Variants in BANP observed in about 807,000 individuals in gnomAD.
The protein encoded by BANP is BTG3 associated nuclear protein, also known as protein BANP.
In BANP, 11 loss-of-function variants were observed where a neutral mutation model predicts 68.1. The ratio of observed to expected loss-of-function variants is 0.16; its 90% CI spans 0.10 to 0.27. The LOEUF (loss-of-function observed/expected upper bound fraction) is 0.27. Ranked by LOEUF, BANP falls within the 10% of genes least tolerant of loss-of-function variation. The pLI is 1.00. For synonymous variants in BANP, 329 were observed against 303.2 expected (o/e 1.09, Z -0.88); for missense variants, 504 against 722.7 (o/e 0.70, Z 3.47).
chr16:88,029,332 G>C (rs776345236), intron 8 of BANP, among the ~76,000 whole-genome samples: 7 of 147,926 alleles, frequency 4.7e-5, no homozygotes, highest in Non-Finnish European at 7.4e-5. Context: ...AAAAAAAGCC[G>C]GGTGCTGTGG....
At chr16:88,032,977 C>G (rs547127381) in intron 8 of BANP, 132 bp from the exon 9 acceptor site, 1 of 1,067,046 alleles carries the variant, frequency 9.4e-7, no homozygotes, top group Non-Finnish European at 1.3e-6. Context: ...TGCAGTGAGT[C>G]GAGGAAAAAT....
At chr16:87,980,773 C>CAG (rs2063108029) in intron 2 of BANP, 3 of 444,540 alleles carry the variant, frequency 6.7e-6, no homozygotes, top group African/African-American at 2.0e-5. Flanking sequence ...AGCATGGAGT[C>CAG]AGAAGTCAGA....
rs1458111797 is a variant in BANP, at chr16:88,004,704, A to G, written c.479+293A>G. 6.6e-6 allele frequency among the ~76,000 whole-genome samples: 1 copy of G among 152,172 alleles called. No homozygotes were observed. The highest frequency in any genetic ancestry group is 1.5e-5 in the Non-Finnish European group (1 of 68,032). Reference sequence around the variant, plus strand: ...CTGTCTCCTCACAGCAGTCTGTGAAAGCGTTCATCCTCCCACCTAGCTCAG... The same window carrying G: ...CTGTCTCCTCACAGCAGTCTGTGAAGGCGTTCATCCTCCCACCTAGCTCAG... On this transcript the variant is annotated intron_variant, in intron 5 of 13. Transcript: ENST00000682872. This position sits in a 1 kb window ranked among gnomAD's most constrained non-coding sequence, Gnocchi z 7.0.
intron 4 of BANP, among the ~76,000 whole-genome samples, chr16:87,993,377 C>T (rs560554512): frequency 6.6e-6 from 1 of 151,942 alleles, no homozygotes; most frequent in East Asian, 1.9e-4. Flanking sequence ...GGAGCCTTGT[C>T]TCTTCTTTCC....
intron 1 of BANP, among the ~76,000 whole-genome samples, chr16:87,965,896 G>A (rs1333674345): frequency 6.6e-6 from 1 of 152,170 alleles, no homozygotes; most frequent in African/African-American, 2.4e-5. Flanking sequence ...GTCCAGGAGG[G>A]CGGAGTGGAC....
intron 7 of BANP, among the ~76,000 whole-genome samples, chr16:88,020,470 A>T (rs1176344646): frequency 1.3e-5 from 2 of 152,174 alleles, no homozygotes; most frequent in East Asian, 3.9e-4. Context: ...GTGCGTTGAG[A>T]TATATAGACG....
chr16:88,020,293 A>G (rs149931107), intron 7 of BANP, among the ~76,000 whole-genome samples: 195 of 152,340 alleles, frequency 1.3e-3, no homozygotes, highest in African/African-American at 4.4e-3. Flanking sequence ...CCAACAGGAC[A>G]CTGCCTTCAG....
chr16:87,993,136 C>G (rs1251161582), intron 4 of BANP, among the ~76,000 whole-genome samples: 1 of 152,264 alleles, frequency 6.6e-6, no homozygotes, highest in Non-Finnish European at 1.5e-5. Context: ...AAGTCCTTCT[C>G]ATCGCATTCT....
intron 6 of BANP, among the ~76,000 whole-genome samples, chr16:88,012,249 G>C (rs2073349056): frequency 6.6e-6 from 1 of 152,170 alleles, no homozygotes; most frequent in African/African-American, 2.4e-5. Context: ...TTCTGTGTGG[G>C]TTTGCTCTGT....
intron 3 of BANP, among the ~76,000 whole-genome samples, chr16:87,983,416 TTG>T (rs1478181696): frequency 2.0e-5 from 3 of 152,200 alleles, no homozygotes; most frequent in Non-Finnish European, 4.4e-5. Flanking sequence ...CCTTTCTGGT[TTG>T]TGTGTTTCTC....
At chr16:88,019,465 A>C (rs1359682532) in intron 7 of BANP, among the ~76,000 whole-genome samples, 3 of 151,068 alleles carry the variant, frequency 2.0e-5, no homozygotes, top group African/African-American at 7.3e-5. Flanking sequence ...ACCTCAGGGG[A>C]GCGTGAAATG....
In BANP at chr16:88,071,571, C is replaced by G. The variant is rs961917540; in HGVS notation, c.1378-498C>G. The G allele has an allele frequency of 6.6e-6, 3 of 457,246 alleles. No individual in the cohort carries two copies. Among genetic ancestry groups the G allele is most frequent in the African/African-American group, 6.0e-5 (3 of 50,134 alleles). 28.3% of individuals were successfully genotyped at this position (457,246 alleles called of 1,614,324 possible). On this transcript the variant is annotated intron_variant, in intron 12 of 13. Coordinates refer to ENST00000682872, the MANE Select transcript of BANP (RefSeq NM_001386991.1). This position sits in a 1 kb window ranked among gnomAD's most constrained non-coding sequence, Gnocchi z 6.5. ...GCTTCTGCTGGGTTCTCAGTGCCCACCAGCAGCTCCTTTGCTCTCCCTGAG... is the reference window on the plus strand; with the variant it reads ...GCTTCTGCTGGGTTCTCAGTGCCCAGCAGCAGCTCCTTTGCTCTCCCTGAG...
At chr16:88,059,955 G>A (rs1183843994) in intron 11 of BANP, among the ~76,000 whole-genome samples, 6 of 152,264 alleles carry the variant, frequency 3.9e-5, no homozygotes, top group African/African-American at 7.2e-5. Context: ...CACACCCCAG[G>A]AGGGCTGAGG....
intron 1 of BANP, among the ~76,000 whole-genome samples, chr16:87,961,533 T>A (rs564855394): frequency 6.6e-6 from 1 of 152,270 alleles, no homozygotes; most frequent in Admixed American, 6.5e-5. Context: ...TGGAAGCAGA[T>A]AGGAAACTCT....
Position 88,058,613 on chromosome 16 carries a change from G to A in BANP, c.1312-6654G>A, listed in dbSNP as rs116348988. 3.9e-3 allele frequency among the ~76,000 whole-genome samples: 594 copies of A among 152,264 alleles called. 5 individuals carry two copies. The highest frequency in any genetic ancestry group is 0.014 in the African/African-American group (575 of 41,542). On this transcript the variant is annotated intron_variant, in intron 11 of 13. Coordinates refer to ENST00000682872, the MANE Select transcript of BANP (RefSeq NM_001386991.1). ...AGGTTTAATAAAACCCACCACCATC[G>A]TTCTTTCCATTTTCTCTAAGGAGTC...
At chr16:88,076,111 C>G (rs903463015) in intron 13 of BANP, among the ~76,000 whole-genome samples, 1 of 152,200 alleles carries the variant, frequency 6.6e-6, no homozygotes, top group Non-Finnish European at 1.5e-5. Flanking sequence ...ATCTGTAACT[C>G]GTTGACCAGA....
chr16:87,975,248 G>A (rs768401650), intron 2 of BANP, 63 bp downstream of exon 2: 21 of 1,515,780 alleles, frequency 1.4e-5, no homozygotes, highest in Non-Finnish European at 1.6e-5. Context: ...ACCAAAAGCT[G>A]CTCCAGTTAT....
At chr16:87,965,622 G>A (rs1044395231) in intron 1 of BANP, among the ~76,000 whole-genome samples, 2 of 151,706 alleles carry the variant, frequency 1.3e-5, no homozygotes, top group Admixed American at 6.6e-5. Context: ...GGGGCTGGGC[G>A]GGGCTGGGCG....
intron 1 of BANP, chr16:87,963,263 A>T (rs1304651619): frequency 6.6e-6 from 1 of 152,280 alleles, no homozygotes; most frequent in African/African-American, 2.4e-5. Flanking sequence ...CCCTGGTCGC[A>T]CGCGCTGTGA....
Sources: gnomAD v4.1 joint callset for allele counts (sites outside exome capture counted in the v4.1 genomes callset) on GRCh38, gnomAD v4.1.1 for gene constraint, Gnocchi (gnomAD v3.1) non-coding constraint, MANE v1.5 for transcripts, NCBI Gene and HGNC (gene_info 2026-07-23, HGNC 2026-07-21) for gene names.